Variants in HEMK2 observed in about 807,000 individuals in gnomAD.
HEMK2 encodes methyltransferase HEMK2.
the HEMK2 span, among the ~76,000 whole-genome samples, chr21:28,817,363 T>C: frequency 6.6e-6 from 1 of 152,280 alleles, no homozygotes; most frequent in African/African-American, 2.4e-5. Flanking sequence ...GAGGAAGATA[T>C]AGAATACAAT....
At chr21:28,647,134 C>A in the HEMK2 span, among the ~76,000 whole-genome samples, 1 of 151,658 alleles carries the variant, frequency 6.6e-6, no homozygotes, top group Admixed American at 6.6e-5. Context: ...GAAGAAAATG[C>A]AAAAGGTACC....
At chr21:28,609,325 G>A in the HEMK2 span, among the ~76,000 whole-genome samples, 1 of 152,076 alleles carries the variant, frequency 6.6e-6, no homozygotes, top group African/African-American at 2.4e-5. Flanking sequence ...TCAGTTCTCA[G>A]GAAGCCCACC....
chr21:28,785,751 AC>A, the HEMK2 span, among the ~76,000 whole-genome samples: 1 of 152,178 alleles, frequency 6.6e-6, no homozygotes, highest in Admixed American at 6.5e-5. Flanking sequence ...CTACACATAA[AC>A]AAATTCAAAT....
At chr21:28,861,752 TA>T in the HEMK2 span, among the ~76,000 whole-genome samples, 1 of 152,214 alleles carries the variant, frequency 6.6e-6, no homozygotes, top group Admixed American at 6.5e-5. Flanking sequence ...GAAGGCCATG[TA>T]TGCTGTGAAT....
the HEMK2 span, among the ~76,000 whole-genome samples, chr21:28,677,157 G>A: frequency 6.6e-6 from 1 of 152,266 alleles, no homozygotes; most frequent in African/African-American, 2.4e-5. Flanking sequence ...GTCAAAGAAA[G>A]GGGTGACAGA....
the HEMK2 span, among the ~76,000 whole-genome samples, chr21:28,880,203 T>A: frequency 6.6e-6 from 1 of 152,230 alleles, no homozygotes; most frequent in Non-Finnish European, 1.5e-5. Context: ...CACATATATT[T>A]ATATTCTGGG....
chr21:28,701,292 C>T, the HEMK2 span, among the ~76,000 whole-genome samples: 3 of 152,020 alleles, frequency 2.0e-5, no homozygotes, highest in Non-Finnish European at 4.4e-5. Flanking sequence ...AAGTCCTTGC[C>T]AGAGCATTCA....
At chr21:28,861,798 C>T in the HEMK2 span, among the ~76,000 whole-genome samples, 2 of 152,160 alleles carry the variant, frequency 1.3e-5, no homozygotes, top group East Asian at 3.8e-4. Flanking sequence ...TCTCTCACAG[C>T]CAGGATTCAC....
At chr21:28,788,277 T>TACAC in the HEMK2 span, among the ~76,000 whole-genome samples, 1 of 132,206 alleles carries the variant, frequency 7.6e-6, no homozygotes, top group African/African-American at 3.7e-5. Flanking sequence ...TTCCATCATA[T>TACAC]ATACACACAC....
chr21:28,710,434 G>A, the HEMK2 span, among the ~76,000 whole-genome samples: 10 of 151,986 alleles, frequency 6.6e-5, no homozygotes, highest in Non-Finnish European at 1.0e-4. Flanking sequence ...AATGCTATTC[G>A]TGATTTTAAA....
chr21:28,864,889 T>TAGATGATA, the HEMK2 span, among the ~76,000 whole-genome samples: 1 of 95,470 alleles, frequency 1.0e-5, no homozygotes, highest in African/African-American at 3.5e-5. Flanking sequence ...TAGATATAGA[T>TAGATGATA]GATAGATAGA....
chr21:28,731,520 G>T, the HEMK2 span, among the ~76,000 whole-genome samples: 1 of 150,986 alleles, frequency 6.6e-6, no homozygotes, highest in Non-Finnish European at 1.5e-5. Flanking sequence ...TGAAACAATG[G>T]CTTGGCCAGG....
At chr21:28,838,947 C>CAAAAAAAAAA in the HEMK2 span, among the ~76,000 whole-genome samples, 4 of 20,984 alleles carry the variant, frequency 1.9e-4, no homozygotes, top group Non-Finnish European at 1.7e-4. Context: ...AACTCCGCCT[C>CAAAAAAAAAA]AAAAAAAAAA....
At chr21:28,697,453 TG>T in the HEMK2 span, among the ~76,000 whole-genome samples, 2 of 152,206 alleles carry the variant, frequency 1.3e-5, no homozygotes, top group Non-Finnish European at 2.9e-5. Flanking sequence ...ATCAGCATTT[TG>T]GTCAAAACCA....
the HEMK2 span, among the ~76,000 whole-genome samples, chr21:28,693,333 T>C: frequency 1.3e-5 from 2 of 152,118 alleles, no homozygotes; most frequent in Non-Finnish European, 2.9e-5. Flanking sequence ...CGTGCACCAT[T>C]TGCCCAAGTT....
At chr21:28,682,510 T>C in the HEMK2 span, among the ~76,000 whole-genome samples, 1 of 151,968 alleles carries the variant, frequency 6.6e-6, no homozygotes, top group African/African-American at 2.4e-5. Context: ...CTCAGGGATC[T>C]AGAACTAGAA....
the HEMK2 span, among the ~76,000 whole-genome samples, chr21:28,808,411 C>CAAAAA: frequency 7.9e-6 from 1 of 126,926 alleles, no homozygotes. Context: ...TCTACCCTTC[C>CAAAAA]AAAAAAAAAA....
chr21:28,742,480 A>G, the HEMK2 span, among the ~76,000 whole-genome samples: 4 of 152,322 alleles, frequency 2.6e-5, no homozygotes, highest in East Asian at 3.9e-4. Flanking sequence ...TGAGTTTAAC[A>G]TGGGGATTCA....
the HEMK2 span, among the ~76,000 whole-genome samples, chr21:28,848,346 T>C: frequency 6.6e-6 from 1 of 152,140 alleles, no homozygotes; most frequent in Non-Finnish European, 1.5e-5. Flanking sequence ...TTTTTAAATC[T>C]AGTAATATTT....
Sources: gnomAD v4.1 joint callset for allele counts (sites outside exome capture counted in the v4.1 genomes callset) on GRCh38, gnomAD v4.1.1 for gene constraint, MANE v1.5 for transcripts, NCBI Gene and HGNC (gene_info 2026-07-23, HGNC 2026-07-21) for gene names.